NSMCE2: variants seen among roughly 807,000 people sequenced by gnomAD.
NSMCE2 encodes the protein NSE2 SUMO ligase component of SMC5/6 complex, also known as E3 SUMO-protein ligase NSE2.
A neutral mutation model predicts 23.8 loss-of-function variants in NSMCE2; 24 were observed. The ratio of observed to expected loss-of-function variants is 1.01; its 90% CI spans 0.73 to 1.42. NSMCE2 has a LOEUF of 1.42. Ranked by LOEUF, NSMCE2 falls within the 40% of genes most tolerant of loss-of-function variation. The pLI, the probability that NSMCE2 is intolerant of heterozygous loss-of-function variation, is 0.00. For synonymous variants in NSMCE2, 92 were observed against 94.1 expected, an observed-to-expected ratio of 0.98 and a Z score of 0.13; for missense variants, 284 against 296.5, an observed-to-expected ratio of 0.96 and a Z score of 0.31.
At chr8:125,106,734 A>G (rs1293191944) in intron 3 of NSMCE2, among the ~76,000 whole-genome samples, 6 of 151,522 alleles carry the variant, frequency 4.0e-5, no homozygotes, top group Admixed American at 3.9e-4. Flanking sequence ...TGTGGCTCAC[A>G]CTTGTAATCC....
intron 5 of NSMCE2, among the ~76,000 whole-genome samples, chr8:125,282,526 T>A (rs1827735338): frequency 6.6e-6 from 1 of 152,250 alleles, no homozygotes; most frequent in African/African-American, 2.4e-5. Context: ...TATTTACCTC[T>A]GCTCCACTTA....
At chr8:125,245,308 AT>A (rs1296355082) in intron 5 of NSMCE2, among the ~76,000 whole-genome samples, 1 of 152,164 alleles carries the variant, frequency 6.6e-6, no homozygotes, top group African/African-American at 2.4e-5. Context: ...AAAGGTAAGC[AT>A]TGAAATTGGA....
chr8:125,168,516 G>A (rs1486682678), intron 4 of NSMCE2, among the ~76,000 whole-genome samples: 1 of 152,224 alleles, frequency 6.6e-6, no homozygotes, highest in Non-Finnish European at 1.5e-5. Flanking sequence ...AATCTATGAT[G>A]AAGGTGCTGG....
chr8:125,347,745 T>A (rs999214804), intron 5 of NSMCE2, among the ~76,000 whole-genome samples: 1 of 152,194 alleles, frequency 6.6e-6, no homozygotes, highest in Non-Finnish European at 1.5e-5. Context: ...GAAAGGAGAT[T>A]GGCTATGGAG....
chr8:125,183,634 GGTGT>G (rs59285361), intron 5 of NSMCE2, among the ~76,000 whole-genome samples: 3 of 147,482 alleles, frequency 2.0e-5, no homozygotes, highest in Non-Finnish European at 3.0e-5. Flanking sequence ...ATTACTCAGT[GGTGT>G]GTGTGTGTGT....
chr8:125,304,107 G>C (rs978940058), intron 5 of NSMCE2, among the ~76,000 whole-genome samples: 1 of 152,168 alleles, frequency 6.6e-6, no homozygotes, highest in South Asian at 2.1e-4. Flanking sequence ...AGTCAAACGT[G>C]GCTGTGAATT....
chr8:125,303,541 G>A (rs1399959597), intron 5 of NSMCE2, among the ~76,000 whole-genome samples: 1 of 152,018 alleles, frequency 6.6e-6, no homozygotes, highest in African/African-American at 2.4e-5. Flanking sequence ...TATAATACTG[G>A]GTGCCAAGAA....
In NSMCE2 at chr8:125,265,785, C is replaced by A. The variant is rs116663679; in HGVS notation, c.418+83529C>A. Among the ~76,000 whole-genome samples, 732 of 152,248 alleles carry A rather than the reference C, an allele frequency of 4.8e-3. 7 individuals carry two copies. Among genetic ancestry groups the A allele is most frequent in the African/African-American group, 0.017 (692 of 41,546 alleles). On this transcript the variant is annotated intron_variant, in intron 5 of 7. Transcript: ENST00000287437. ...ATAGCCACTTAAAATGCCTAGTTTT[C>A]TTTGTCTCTGAACATCTATTGATCC...
chr8:125,130,696 C>T (rs1369884816), intron 3 of NSMCE2, among the ~76,000 whole-genome samples: 1 of 152,212 alleles, frequency 6.6e-6, no homozygotes. Context: ...TGTATGTGTA[C>T]ATACATACCT....
intron 5 of NSMCE2, among the ~76,000 whole-genome samples, chr8:125,277,243 A>G (rs999032497): frequency 3.0e-4 from 46 of 152,112 alleles, no homozygotes; most frequent in Non-Finnish European, 5.4e-4. Context: ...TTCCTCACCT[A>G]GGCTTCCCTC....
At chr8:125,271,434 A>G (rs575236844) in intron 5 of NSMCE2, among the ~76,000 whole-genome samples, 1 of 152,320 alleles carries the variant, frequency 6.6e-6, no homozygotes, top group East Asian at 1.9e-4. Flanking sequence ...ATAGGTGGAA[A>G]TAAGAGACAG....
At chr8:125,287,216 C>T (rs1827937616) in intron 5 of NSMCE2, among the ~76,000 whole-genome samples, 1 of 152,150 alleles carries the variant, frequency 6.6e-6, no homozygotes, top group East Asian at 1.9e-4. Context: ...CCTGTAGTCC[C>T]AGCTACTCGG....
At chr8:125,196,252 T>C (rs1396825027) in intron 5 of NSMCE2, among the ~76,000 whole-genome samples, 2 of 151,266 alleles carry the variant, frequency 1.3e-5, no homozygotes, top group Non-Finnish European at 2.9e-5. Context: ...GTGCACAACG[T>C]GCAGGTTTGT....
At chr8:125,265,190 A>G (rs1461528653) in intron 5 of NSMCE2, among the ~76,000 whole-genome samples, 1 of 150,820 alleles carries the variant, frequency 6.6e-6, no homozygotes, top group Non-Finnish European at 1.5e-5. Flanking sequence ...AATTTTTTGC[A>G]TTAACTTTGT....
intron 5 of NSMCE2, among the ~76,000 whole-genome samples, chr8:125,230,162 C>G (rs1470914150): frequency 1.3e-5 from 2 of 152,158 alleles, no homozygotes; most frequent in African/African-American, 4.8e-5. Context: ...TCAGAGTTAT[C>G]AAGCCTAAAC....
At chr8:125,163,992 C>G (rs544126652) in intron 4 of NSMCE2, among the ~76,000 whole-genome samples, 105 of 152,302 alleles carry the variant, frequency 6.9e-4, no homozygotes, top group African/African-American at 2.5e-3. Flanking sequence ...ATGTTGGAGG[C>G]CTTAGCCCAG....
intron 5 of NSMCE2, among the ~76,000 whole-genome samples, chr8:125,229,242 A>G (rs1205033664): frequency 6.6e-6 from 1 of 152,212 alleles, no homozygotes; most frequent in East Asian, 1.9e-4. Flanking sequence ...GAGATGCAAG[A>G]GACTGGGAGA....
chr8:125,237,790 G>A (rs1369048054), intron 5 of NSMCE2, among the ~76,000 whole-genome samples: 1 of 152,130 alleles, frequency 6.6e-6, no homozygotes, highest in Non-Finnish European at 1.5e-5. Context: ...GCCATCTGTT[G>A]GCACAGACTG....
At chr8:125,252,885 G>T (rs573564285) in intron 5 of NSMCE2, among the ~76,000 whole-genome samples, 1 of 152,254 alleles carries the variant, frequency 6.6e-6, no homozygotes, top group Non-Finnish European at 1.5e-5. Context: ...GTTATTTAAA[G>T]TGTCCTCACC....
Sources: allele counts gnomAD v4.1 joint callset (sites outside exome capture counted in the v4.1 genomes callset), GRCh38; gene constraint gnomAD v4.1.1; transcripts MANE v1.5; gene names NCBI Gene and HGNC (gene_info 2026-07-23, HGNC 2026-07-21).